The following SCML2 variants were observed in gnomAD, a reference collection of about 807,000 sequenced individuals.
The protein encoded by SCML2 is sex comb on midleg-like protein 2.
A neutral mutation model predicts 48.4 loss-of-function variants in SCML2; 6 were observed. The ratio of observed to expected loss-of-function variants is 0.12; its 90% CI spans 0.07 to 0.24. SCML2 has a LOEUF of 0.24. SCML2 is among the 10% of genes least tolerant of loss of function. The probability of loss-of-function intolerance (pLI) is 1.00; values close to 1 mark genes in which losing one functional copy is unlikely to be tolerated. For synonymous variants in SCML2, 181 were observed against 189.5 expected, an observed-to-expected ratio of 0.95 and a Z score of 0.37; for missense variants, 377 against 528.2, an observed-to-expected ratio of 0.71 and a Z score of 2.81.
intron 11 of SCML2, among the ~76,000 whole-genome samples, chrX:18,250,871 G>A (rs1490452118): frequency 9.0e-6 from 1 of 110,511 alleles, no homozygotes; most frequent in African/African-American, 3.3e-5. Context: ...ACATGGCTGG[G>A]GAGGACTCAC....
intron 8 of SCML2, among the ~76,000 whole-genome samples, chrX:18,262,410 G>A (rs766689498): frequency 1.0e-5 from 1 of 98,317 alleles, no homozygotes; most frequent in Non-Finnish European, 2.0e-5. Flanking sequence ...GCGAAATCTC[G>A]GCTCACTGCA....
At chrX:18,280,306 C>A (rs1207820775) in intron 7 of SCML2, among the ~76,000 whole-genome samples, 1 of 111,659 alleles carries the variant, frequency 9.0e-6, no homozygotes, top group African/African-American at 3.3e-5. Flanking sequence ...CTCAGACAAG[C>A]AAATGCTGAG....
upstream of SCML2, among the ~76,000 whole-genome samples, chrX:18,354,965 T>G: frequency 8.9e-6 from 1 of 111,767 alleles, no homozygotes; most frequent in Non-Finnish European, 1.9e-5. Context: ...AGCCCCTCGA[T>G]GGGACCCCGG....
chrX:18,337,439 C>CA (rs1224589229), intron 1 of SCML2, among the ~76,000 whole-genome samples: 3 of 90,779 alleles, frequency 3.3e-5, no homozygotes, highest in Non-Finnish European at 4.3e-5. Context: ...TAATACTAAT[C>CA]AAAAAAAAGC....
At chrX:18,246,497 T>C in intron 13 of SCML2, 80 bp downstream of exon 13, 1 of 1,058,910 alleles carries the variant, frequency 9.4e-7, no homozygotes, top group Non-Finnish European at 1.3e-6. Flanking sequence ...TCCAATGTGA[T>C]ACTCTCAGGG....
rs1204810563 is a variant in SCML2, at chrX:18,294,406, G to A, written c.730+10566C>T. Among the ~76,000 whole-genome samples, 3 of 110,775 alleles carry A rather than the reference G, an allele frequency of 2.7e-5. No individual in the cohort carries two copies. In the East Asian group the frequency reaches 8.6e-4, roughly 32 times the overall value. Reference sequence around the variant, plus strand: ...AAAGGGTAAGTGAGAGATCCACAGTGGTCAATATTCCCACCATGGACTCCG... The same window carrying A: ...AAAGGGTAAGTGAGAGATCCACAGTAGTCAATATTCCCACCATGGACTCCG... On this transcript the variant is annotated intron_variant, in intron 7 of 14. Coordinates refer to ENST00000251900, the MANE Select transcript of SCML2 (RefSeq NM_006089.3).
chrX:18,306,717 C>G (rs1464006001), intron 6 of SCML2, among the ~76,000 whole-genome samples: 3 of 111,272 alleles, frequency 2.7e-5, no homozygotes, highest in Admixed American at 9.6e-5. Context: ...TTCAAATGCC[C>G]CCCTTAAAAC....
At chrX:18,274,274 C>T (rs1363583570) in intron 7 of SCML2, among the ~76,000 whole-genome samples, 2 of 111,833 alleles carry the variant, frequency 1.8e-5, no homozygotes, top group African/African-American at 6.5e-5. Context: ...CGCCCCAGCT[C>T]CTGCACCTGC....
intron 8 of SCML2, among the ~76,000 whole-genome samples, chrX:18,262,348 T>TC (rs1354051730): frequency 3.1e-5 from 3 of 97,311 alleles, no homozygotes; most frequent in African/African-American, 1.2e-4. Context: ...TTTTTTTTTT[T>TC]TTTTTTTTTT....
At chrX:18,337,263 C>T (rs1929851899) in intron 1 of SCML2, among the ~76,000 whole-genome samples, 1 of 88,422 alleles carries the variant, frequency 1.1e-5, no homozygotes, top group South Asian at 6.9e-4. Context: ...GAACGCGCCA[C>T]TCACTGCACT....
At chrX:18,301,400 GA>G (rs370579964) in intron 7 of SCML2, among the ~76,000 whole-genome samples, 20 of 101,419 alleles carry the variant, frequency 2.0e-4, no homozygotes, top group East Asian at 6.2e-4. Context: ...TCCGTCTCAG[GA>G]AAAAAAAAAA....
At chrX:18,330,053 G>A (rs1264273085) in intron 3 of SCML2, among the ~76,000 whole-genome samples, 1 of 111,981 alleles carries the variant, frequency 8.9e-6, no homozygotes, top group Non-Finnish European at 1.9e-5. Flanking sequence ...ACTCCAGCCT[G>A]GGTGACACAG....
intron 1 of SCML2, 50 bp from the exon 2 acceptor site, chrX:18,334,145 T>A (rs1795479815): frequency 1.1e-6 from 1 of 930,729 alleles, no homozygotes; most frequent in South Asian, 2.4e-5. Context: ...ATTAGATTTC[T>A]GAAGGATAAG....
At chrX:18,267,806 C>T (rs1927307817) in intron 7 of SCML2, among the ~76,000 whole-genome samples, 1 of 110,652 alleles carries the variant, frequency 9.0e-6, no homozygotes, top group African/African-American at 3.3e-5. Context: ...CCACGTTAGC[C>T]AGGATGGTCT....
chrX:18,287,910 T>C lies in SCML2; in HGVS notation c.730+17062A>G, dbSNP rs1482832536. Among the ~76,000 whole-genome samples, 4 of 111,672 alleles carry C rather than the reference T, an allele frequency of 3.6e-5. No homozygotes were observed. In the Admixed American group the frequency reaches 3.8e-4, roughly 11 times the overall value. ...CTTCAGCCTCATGGGGGATGCTTCT[T>C]ATGAAGACTATTTTATTTCACAATT... On this transcript the variant is annotated intron_variant, in intron 7 of 14. Coordinates refer to ENST00000251900, the MANE Select transcript of SCML2 (RefSeq NM_006089.3).
At chrX:18,270,641 T>C (rs781391603) in intron 7 of SCML2, among the ~76,000 whole-genome samples, 21 of 110,936 alleles carry the variant, frequency 1.9e-4, no homozygotes, top group African/African-American at 5.6e-4. Flanking sequence ...ATATTACACA[T>C]CAAAATTAAA....
At chrX:18,308,023 G>A (rs1213496084) in intron 6 of SCML2, among the ~76,000 whole-genome samples, 2 of 107,277 alleles carry the variant, frequency 1.9e-5, no homozygotes, top group African/African-American at 6.8e-5. Flanking sequence ...GAATCCAGGA[G>A]GCGGAGGTTG....
chrX:18,338,278 T>C (rs1162146335), intron 1 of SCML2, among the ~76,000 whole-genome samples: 2 of 109,531 alleles, frequency 1.8e-5, no homozygotes, highest in Non-Finnish European at 3.8e-5. Flanking sequence ...ACCCCATCTC[T>C]ACTAAAAATT....
chrX:18,273,725 T>C (rs904704255), intron 7 of SCML2, among the ~76,000 whole-genome samples: 2 of 111,489 alleles, frequency 1.8e-5, no homozygotes, highest in Non-Finnish European at 1.9e-5. Context: ...AGAACTTACA[T>C]CTCTGTTTTA....
Sources: allele counts gnomAD v4.1 joint callset (sites outside exome capture counted in the v4.1 genomes callset), GRCh38; gene constraint gnomAD v4.1.1; transcripts MANE v1.5; gene names NCBI Gene and HGNC (gene_info 2026-07-23, HGNC 2026-07-21).